PGLS: variants seen among roughly 807,000 people sequenced by gnomAD.
PGLS encodes the protein epididymis secretory protein Li 304.
In PGLS, 21 loss-of-function variants were observed where a neutral mutation model predicts 23.2. That is an observed-to-expected ratio of 0.91 (90% CI 0.64 to 1.31). PGLS has a LOEUF of 1.31. Ranked by LOEUF, PGLS falls within the 50% of genes most tolerant of loss-of-function variation. PGLS has a pLI of 0.00. For missense variants in PGLS, 410 were observed against 354.0 expected (o/e 1.16, Z -1.27); for synonymous variants, 179 against 165.4 (o/e 1.08, Z -0.63).
intron 1 of PGLS, 59 bp from the exon 2 acceptor site, chr19:17,516,114 C>T (rs1171000389): frequency 7.7e-7 from 1 of 1,297,272 alleles, no homozygotes; most frequent in Non-Finnish European, 1.1e-6. Context: ...TCATAAACTC[C>T]CTGGAGGATC....
In PGLS at chr19:17,514,413, C is replaced by T. The variant is rs552650923; in HGVS notation, c.289-1760C>T. On this transcript the variant is annotated intron_variant, in intron 1 of 4. Transcript: ENST00000252603. Reference sequence around the variant, plus strand: ...AATTACATCTGCAAAGACCCTATTTCCTTCCTTCCTTCCCTCCTTCCCTCC... The same window carrying T: ...AATTACATCTGCAAAGACCCTATTTTCTTCCTTCCTTCCCTCCTTCCCTCC... Among the ~76,000 whole-genome samples the T allele has an allele frequency of 5.5e-3, 751 of 137,058 alleles. 3 individuals are homozygous for T. Among genetic ancestry groups the T allele is most frequent in the Middle Eastern group, 0.013 (3 of 234 alleles). 89.9% of individuals were successfully genotyped at this position (137,058 alleles called of 152,430 possible).
chr19:17,515,541 T>C (rs1599689167), intron 1 of PGLS, among the ~76,000 whole-genome samples: 1 of 152,158 alleles, frequency 6.6e-6, no homozygotes, highest in Non-Finnish European at 1.5e-5. Flanking sequence ...GTGCTGGGCC[T>C]GGGCAAGCCT....
Position 17,511,679 on chromosome 19 carries a change from G to A in PGLS, c.7G>A (p.Ala3Thr), listed in dbSNP as rs1173586147. 14 of 1,488,354 alleles carry A rather than the reference G, an allele frequency of 9.4e-6. No individual in the cohort carries two copies. Among genetic ancestry groups the A allele is most frequent in the East Asian group, 8.4e-5 (3 of 35,550 alleles). 92.2% of individuals were successfully genotyped at this position (1,488,354 alleles called of 1,614,324 possible). Reference sequence around the variant, plus strand: ...CCCCGCCGCCGCCCTCGCCATGGCCGCGCCGGCCCCGGGCCTCATCTCGGT... The same window carrying A: ...CCCCGCCGCCGCCCTCGCCATGGCCACGCCGGCCCCGGGCCTCATCTCGGT... MA[A>T]PAPGLISVFS... Residue 3 changes from alanine to threonine, a missense_variant, in exon 1 of 5, where the codon GCG becomes ACG. Transcript: ENST00000252603.
Position 17,516,271 on chromosome 19 carries a change from G to A in PGLS, c.387G>A (p.Lys129=). 6.2e-7 allele frequency: 1 copy of A among 1,613,792 alleles called. No individual in the cohort carries two copies. The highest frequency in any genetic ancestry group is 1.1e-5 in the South Asian group (1 of 91,058). The change falls in exon 2 of 5, where the codon AAG becomes AAA. Residue 129 remains lysine, a synonymous_variant. Coordinates refer to ENST00000252603, the MANE Select transcript of PGLS (RefSeq NM_012088.3). ...AGGCGGCTGAGGACTACGCCAAGAA[G>A]CTGAGACAGGTGAGCCCCGAGGAGC... ...VEEAAEDYAK[K]LRQAFQGDSI...
intron 2 of PGLS, among the ~76,000 whole-genome samples, 198 bp from the exon 3 acceptor site, chr19:17,517,090 G>T (rs1170063359): frequency 1.3e-5 from 2 of 150,148 alleles, no homozygotes; most frequent in Non-Finnish European, 3.0e-5. Flanking sequence ...TCATCATGTT[G>T]GCCAGGCTGG....
Position 17,520,944 on chromosome 19 carries a change from C to T in PGLS, c.640C>T (p.Arg214Cys), listed in dbSNP as rs1321600951. The change falls in exon 5 of 5, where the codon CGC (arginine) becomes TGC (cysteine). Residue 214 changes from arginine to cysteine, a missense_variant and splice_region_variant. By Grantham distance (180) the Arg-to-Cys change is radical. Transcript: ENST00000252603. The part of the protein sequence containing the change: ...TGEGKAAVLK[R>C]ILEDQEENPL... ...CTTACTCTTCTGCCCTCTTCTTCAG[C>T]GCATTTTGGAGGACCAGGAGGAAAA... The T allele has an allele frequency of 3.8e-6, 6 of 1,591,702 alleles. No individual in the cohort carries two copies. In the Admixed American group the frequency reaches 8.8e-5, roughly 23 times the overall value.
At chr19:17,513,642 G>A (rs7250977) in intron 1 of PGLS, among the ~76,000 whole-genome samples, 57,070 of 151,572 alleles carry the variant, frequency 0.38, 11,689 homozygotes, top group Middle Eastern at 0.5. Flanking sequence ...AACATGGCAA[G>A]ACCCCATCTC....
At position 17,517,283 on chromosome 19, in the gene PGLS, C is replaced by T. The variant is rs758168058; in HGVS notation, c.397-5C>T. ...CTCTCAAGGCTGTCTTCTCCCCACG[C>T]CCAGGCATTCCAAGGGGACTCCATC... On this transcript the variant is annotated splice_region_variant and splice_polypyrimidine_tract_variant and intron_variant, in intron 2 of 4. Transcript: ENST00000252603. The T allele has an allele frequency of 1.2e-6, 2 of 1,609,560 alleles. No homozygotes were observed. The highest frequency in any genetic ancestry group is 1.7e-6 in the Non-Finnish European group (2 of 1,176,006).
At position 17,511,841 on chromosome 19, in the gene PGLS, G is replaced by A. The variant is rs1425038562; in HGVS notation, c.169G>A (p.Glu57Lys). Residue 57 changes from glutamate (E) to lysine (K), a missense_variant, in exon 1 of 5, where the codon GAG becomes AAG. Physicochemically the swap from Glu to Lys is moderately conservative, Grantham distance 56. Coordinates refer to ENST00000252603, the MANE Select transcript of PGLS (RefSeq NM_012088.3). ...GAGCCTCGTCTCGATGCTAGCCCGCGAGCTACCCGCCGCCGTCGCCCCTGC... is the reference window on the plus strand; with the variant it reads ...GAGCCTCGTCTCGATGCTAGCCCGCAAGCTACCCGCCGCCGTCGCCCCTGC... Reference protein sequence around the residue: ...GGSLVSMLARELPAAVAPAGP... With the variant: ...GGSLVSMLARKLPAAVAPAGP... The A allele has an allele frequency of 7.2e-6, 11 of 1,529,136 alleles. No individual in the cohort carries two copies. The highest frequency in any genetic ancestry group is 9.6e-6 in the Non-Finnish European group (11 of 1,141,864). 94.7% of individuals were successfully genotyped at this position (1,529,136 alleles called of 1,614,324 possible).
rs368395389 is a variant in PGLS, at chr19:17,520,931, C to A, written c.640-13C>A. Reference sequence around the variant, plus strand: ...CCGCAGGCAGGGCCTTACTCTTCTGCCCTCTTCTTCAGCGCATTTTGGAGG... The same window carrying A: ...CCGCAGGCAGGGCCTTACTCTTCTGACCTCTTCTTCAGCGCATTTTGGAGG... On this transcript the variant is annotated splice_polypyrimidine_tract_variant and intron_variant, in intron 4 of 4. Transcript: ENST00000252603. 1 of 1,585,290 alleles carries A rather than the reference C, an allele frequency of 6.3e-7. No individual in the cohort carries two copies. The highest frequency in any genetic ancestry group is 8.6e-7 in the Non-Finnish European group (1 of 1,164,986).
intron 4 of PGLS, 64 bp from the exon 5 acceptor site, chr19:17,520,880 G>C: frequency 3.4e-6 from 5 of 1,467,214 alleles, no homozygotes; most frequent in Non-Finnish European, 4.5e-6. Flanking sequence ...GGGGAGCCAG[G>C]AGAGTGCCGA....
At chr19:17,519,980 C>T (rs1414000734) in intron 4 of PGLS, among the ~76,000 whole-genome samples, 1 of 151,852 alleles carries the variant, frequency 6.6e-6, no homozygotes, top group Non-Finnish European at 1.5e-5. Context: ...ATAGCAAGAC[C>T]CTGTCTCTAC....
At chr19:17,512,121 C>T in intron 1 of PGLS, 161 bp downstream of exon 1, 1 of 752,056 alleles carries the variant, frequency 1.3e-6, no homozygotes, top group Non-Finnish European at 2.0e-6. Flanking sequence ...AGGGCCGTGC[C>T]CACTGCCTGC....
Position 17,516,187 on chromosome 19 carries a change from C to T in PGLS, c.303C>T (p.Ser101=), listed in dbSNP as rs747140605. The change falls in exon 2 of 5, where the codon TCC becomes TCT. Residue 101 remains serine (S), a synonymous_variant. Transcript: ENST00000252603. ...TYGLYRTHLL[S]RLPIPESQVI... is the part of the protein sequence containing the mutation. ...GTTGGCTGCAGACGCATCTTCTCTC[C>T]AGACTGCCGATCCCAGAAAGCCAGG... 5 of 1,613,904 alleles carry T rather than the reference C, an allele frequency of 3.1e-6. No individual in the cohort carries two copies. The South Asian group carries it at 3.3e-5, about 11-fold the overall frequency.
In PGLS at chr19:17,521,261, C is replaced by T; in HGVS notation, c.*180C>T. On this transcript the variant is annotated 3_prime_UTR_variant, in exon 5 of 5. Coordinates refer to ENST00000252603, the MANE Select transcript of PGLS (RefSeq NM_012088.3). ...ACACACAGGCTGTGGCTCTGGACATCCGGATATTAAAAGGAGCGTTGCTGG... is the reference window on the plus strand; with the variant it reads ...ACACACAGGCTGTGGCTCTGGACATTCGGATATTAAAAGGAGCGTTGCTGG... 1 of 596,404 alleles carries T rather than the reference C, an allele frequency of 1.7e-6. No homozygotes were observed. Among genetic ancestry groups the T allele is most frequent in the Non-Finnish European group, 2.9e-6 (1 of 349,154 alleles). 36.9% of individuals were successfully genotyped at this position (596,404 alleles called of 1,614,324 possible). A position where few individuals can be genotyped will look rare whatever the true frequency, so the allele number is the denominator to read the frequency against.
chr19:17,520,692 C>T, intron 4 of PGLS: 1 of 313,008 alleles, frequency 3.2e-6, no homozygotes, highest in East Asian at 5.0e-5. Context: ...GATCGTACCA[C>T]TGCACTCCAG....
intron 1 of PGLS, among the ~76,000 whole-genome samples, chr19:17,514,517 G>C (rs751331509): frequency 6.7e-6 from 1 of 149,100 alleles, no homozygotes; most frequent in Non-Finnish European, 1.5e-5. Flanking sequence ...TTTGAGATAG[G>C]ATCTTGTTGT....
In PGLS at chr19:17,520,906, C is replaced by T. The variant is rs764708957; in HGVS notation, c.640-38C>T. The T allele has an allele frequency of 5.2e-6, 8 of 1,527,374 alleles. No individual in the cohort carries two copies. The South Asian group carries it at 8.6e-5, about 16-fold the overall frequency. The allele number at this position is 1,527,374 out of a possible 1,614,324, so 94.6% of individuals were successfully genotyped here. ...AGAGTGCCGAGGGGCGGTGCCTGGG[C>T]CGCAGGCAGGGCCTTACTCTTCTGC... is the stretch of plus-strand genomic sequence containing the variant. On this transcript the variant is annotated intron_variant, in intron 4 of 4. Coordinates refer to ENST00000252603, the MANE Select transcript of PGLS (RefSeq NM_012088.3).
At chr19:17,519,141 C>G (rs1220490659) in intron 4 of PGLS, among the ~76,000 whole-genome samples, 3 of 151,562 alleles carry the variant, frequency 2.0e-5, no homozygotes, top group South Asian at 2.1e-4. Flanking sequence ...TGGCGAAACC[C>G]TGTCTCTACT....
Sources: allele counts gnomAD v4.1 joint callset (sites outside exome capture counted in the v4.1 genomes callset), GRCh38; gene constraint gnomAD v4.1.1; transcripts MANE v1.5; gene names NCBI Gene and HGNC (gene_info 2026-07-23, HGNC 2026-07-21).